Variants in LRBA observed in about 807,000 individuals in gnomAD.
LRBA encodes the protein lipopolysaccharide-responsive and beige-like anchor protein.
Under a neutral mutation model 330.0 loss-of-function variants are expected in LRBA, and 176 were observed. That is an observed-to-expected ratio of 0.53 (90% confidence interval 0.47 to 0.60). LRBA has a LOEUF of 0.60. LRBA is among the 20% of genes least tolerant of loss of function. The pLI, the probability that LRBA is intolerant of heterozygous loss-of-function variation, is 0.00. For synonymous variants in LRBA, 1,230 were observed against 1,193.0 expected (o/e 1.03, Z -0.64); for missense variants, 3,259 against 3,444.8 (o/e 0.95, Z 1.35).
At chr4:150,514,370 G>A (rs1191363072) in intron 40 of LRBA, among the ~76,000 whole-genome samples, 1 of 151,834 alleles carries the variant, frequency 6.6e-6, no homozygotes, top group Non-Finnish European at 1.5e-5. Context: ...CCACATGCCG[G>A]GCCCCTTTCA....
intron 40 of LRBA, among the ~76,000 whole-genome samples, chr4:150,509,579 A>C (rs897758580): frequency 3.3e-5 from 5 of 151,988 alleles, no homozygotes; most frequent in African/African-American, 4.8e-5. Flanking sequence ...AAAAAAAAAA[A>C]AGAGAGAAAT....
chr4:150,569,481 T>A (rs538449938), intron 40 of LRBA, among the ~76,000 whole-genome samples: 3 of 152,294 alleles, frequency 2.0e-5, no homozygotes, highest in Admixed American at 2.0e-4. Context: ...TTGTTCAGCT[T>A]GCGTAAGTCA....
At chr4:150,482,539 A>G (rs560292223) in intron 42 of LRBA, among the ~76,000 whole-genome samples, 20 of 152,092 alleles carry the variant, frequency 1.3e-4, no homozygotes, top group African/African-American at 4.8e-4. Flanking sequence ...TCATTCCTCT[A>G]GGGTAAGAGA....
At chr4:150,822,228 C>G (rs1200059972) in intron 30 of LRBA, among the ~76,000 whole-genome samples, 1 of 152,046 alleles carries the variant, frequency 6.6e-6, no homozygotes, top group Non-Finnish European at 1.5e-5. Flanking sequence ...TTTCAATAAA[C>G]CCCTTAAAAT....
chr4:150,828,231 G>C lies in LRBA; in HGVS notation c.5120C>G (p.Ala1707Gly). ...TTGTTCCACAGATAGATCACCAAGG[G>C]CTCCAAGGCAGGCTGGTGGCAGAAG... Reference protein sequence around the residue: ...PALLPPACLGALGDLSVEQPV... With the variant: ...PALLPPACLGGLGDLSVEQPV... The change falls in exon 30 of 57, where the codon GCC (alanine) becomes GGC (glycine). Residue 1707 changes from alanine to glycine, a missense_variant. Ala to Gly is a moderately conservative substitution (Grantham distance 60). Transcript: ENST00000651943. 1 of 1,614,048 alleles carries C rather than the reference G, an allele frequency of 6.2e-7. No individual in the cohort carries two copies. Among genetic ancestry groups the C allele is most frequent in the Non-Finnish European group, 8.5e-7 (1 of 1,179,954 alleles).
At chr4:150,296,688 A>C (rs1448799631) in intron 53 of LRBA, among the ~76,000 whole-genome samples, 1 of 152,224 alleles carries the variant, frequency 6.6e-6, no homozygotes, top group Non-Finnish European at 1.5e-5. Flanking sequence ...CAGAGATTTA[A>C]ATATTGAATT....
At chr4:150,758,893 T>C (rs1734694006) in intron 35 of LRBA, among the ~76,000 whole-genome samples, 1 of 151,960 alleles carries the variant, frequency 6.6e-6, no homozygotes, top group South Asian at 2.1e-4. Context: ...ACTTCTATCC[T>C]TAAATTCCTA....
chr4:150,621,394 T>C (rs1776276619), intron 37 of LRBA, among the ~76,000 whole-genome samples: 1 of 152,176 alleles, frequency 6.6e-6, no homozygotes, highest in South Asian at 2.1e-4. Flanking sequence ...TACATACTTG[T>C]TAAAAAGCTT....
intron 40 of LRBA, among the ~76,000 whole-genome samples, chr4:150,545,328 C>T (rs1380664090): frequency 6.6e-6 from 1 of 152,066 alleles, no homozygotes; most frequent in Non-Finnish European, 1.5e-5. Flanking sequence ...TTGTAAAATA[C>T]ATTCCAATAT....
At chr4:150,875,218 T>TTCAGGCAAGCACC (rs1259076381) in intron 17 of LRBA, among the ~76,000 whole-genome samples, 2 of 152,168 alleles carry the variant, frequency 1.3e-5, no homozygotes, top group Non-Finnish European at 2.9e-5. Context: ...GCTTGCCTGG[T>TTCAGGCAAGCACC]TCAGTACCCT....
At chr4:150,579,351 C>CCAG (rs1455610618) in intron 40 of LRBA, 1 of 455,030 alleles carries the variant, frequency 2.2e-6, no homozygotes, top group Admixed American at 2.4e-5. Context: ...GCAGAGGCAG[C>CCAG]CAGAGTGAGT....
chr4:150,295,664 A>G (rs752567446), intron 53 of LRBA, among the ~76,000 whole-genome samples: 10 of 152,218 alleles, frequency 6.6e-5, no homozygotes, highest in Non-Finnish European at 1.5e-4. Flanking sequence ...TACTTTTTCT[A>G]TGCATAAATG....
intron 37 of LRBA, among the ~76,000 whole-genome samples, chr4:150,608,283 A>G (rs1774874438): frequency 6.6e-6 from 1 of 152,196 alleles, no homozygotes; most frequent in African/African-American, 2.4e-5. Flanking sequence ...TTTAACAAAA[A>G]TGTACTGAGT....
intron 36 of LRBA, among the ~76,000 whole-genome samples, chr4:150,693,283 G>T (rs1784298749): frequency 6.6e-6 from 1 of 152,042 alleles, no homozygotes; most frequent in South Asian, 2.1e-4. Context: ...TTGGGCAAGG[G>T]CCGGGCGCGG....
At chr4:150,618,838 ATGTG>A (rs1316286569) in intron 37 of LRBA, among the ~76,000 whole-genome samples, 2 of 82,810 alleles carry the variant, frequency 2.4e-5, no homozygotes, top group Admixed American at 1.9e-4. Context: ...TATTATGTAT[ATGTG>A]TGTATGTATA....
At chr4:150,532,385 G>A (rs1181706036) in intron 40 of LRBA, among the ~76,000 whole-genome samples, 2 of 152,052 alleles carry the variant, frequency 1.3e-5, no homozygotes, top group Non-Finnish European at 2.9e-5. Flanking sequence ...AAAATTAAGT[G>A]TTTCTCAGTT....
intron 37 of LRBA, among the ~76,000 whole-genome samples, chr4:150,662,309 A>G (rs1022211710): frequency 3.3e-5 from 5 of 152,254 alleles, no homozygotes; most frequent in African/African-American, 9.6e-5. Context: ...AGAGGATGAC[A>G]GGTATTTCGC....
At chr4:150,605,959 C>A (rs1253661902) in intron 37 of LRBA, among the ~76,000 whole-genome samples, 1 of 152,044 alleles carries the variant, frequency 6.6e-6, no homozygotes, top group African/African-American at 2.4e-5. Context: ...AGAATTCTTT[C>A]TTTATTGAGG....
Position 150,301,526 on chromosome 4 carries a change from A to T in LRBA, c.8017+1099T>A, listed in dbSNP as rs549398859. On this transcript the variant is annotated intron_variant, in intron 53 of 56. Transcript: ENST00000651943. ...CATCAAAGTCTATAATGTACATAAT[A>T]AGAAACAGCTTTGAAAAATACTTCA... Among the ~76,000 whole-genome samples the T allele has an allele frequency of 2.6e-5, 4 of 152,262 alleles. No individual in the cohort carries two copies. In the East Asian group the frequency reaches 5.8e-4, roughly 22 times the overall value.
Sources: allele counts gnomAD v4.1 joint callset (sites outside exome capture counted in the v4.1 genomes callset), GRCh38; gene constraint gnomAD v4.1.1; transcripts MANE v1.5; gene names NCBI Gene and HGNC (gene_info 2026-07-23, HGNC 2026-07-21).